EYS: variants seen among roughly 807,000 people sequenced by gnomAD.
EYS encodes the protein EGF-like photoreceptor maintenance factor.
In EYS, 250 loss-of-function variants were observed where a neutral mutation model predicts 282.1. The ratio of observed to expected loss-of-function variants is 0.89; its 90% CI spans 0.80 to 0.98. EYS has a LOEUF of 0.98. EYS is among the 50% of genes least tolerant of loss of function. EYS has a pLI of 0.00. For synonymous variants in EYS, 1,355 were observed against 1,282.9 expected, an observed-to-expected ratio of 1.06 and a Z score of -1.20; for missense variants, 4,016 against 3,709.0, an observed-to-expected ratio of 1.08 and a Z score of -2.15.
At chr6:65,528,168 A>T (rs1241366973) in intron 2 of EYS, among the ~76,000 whole-genome samples, 1 of 152,182 alleles carries the variant, frequency 6.6e-6, no homozygotes, top group African/African-American at 2.4e-5. Flanking sequence ...AGTAGAAATA[A>T]TTTATATTTC....
chr6:64,212,269 G>A (rs1267036837), intron 31 of EYS, among the ~76,000 whole-genome samples: 2 of 151,856 alleles, frequency 1.3e-5, no homozygotes, highest in African/African-American at 2.4e-5. Flanking sequence ...ATAATTTACC[G>A]ATTAGGTCAG....
At chr6:64,934,438 A>T (rs1768835122) in intron 15 of EYS, among the ~76,000 whole-genome samples, 1 of 151,966 alleles carries the variant, frequency 6.6e-6, no homozygotes, top group Non-Finnish European at 1.5e-5. Context: ...AGTAGAATAA[A>T]TTGAAAGAGA....
chr6:64,824,874 G>T (rs937965964), intron 19 of EYS, among the ~76,000 whole-genome samples: 1 of 151,726 alleles, frequency 6.6e-6, no homozygotes, highest in Non-Finnish European at 1.5e-5. Flanking sequence ...AATTAAAATT[G>T]TGGTTATAAT....
At chr6:64,320,758 G>T (rs897464138) in intron 29 of EYS, among the ~76,000 whole-genome samples, 2 of 151,470 alleles carry the variant, frequency 1.3e-5, no homozygotes, top group African/African-American at 2.4e-5. Flanking sequence ...ATTGAATTTT[G>T]GACATTGTAT....
At chr6:64,683,478 G>A (rs1179599406) in intron 22 of EYS, among the ~76,000 whole-genome samples, 1 of 152,102 alleles carries the variant, frequency 6.6e-6, no homozygotes, top group Non-Finnish European at 1.5e-5. Flanking sequence ...TATTGAATTT[G>A]CTTAATATTG....
intron 41 of EYS, among the ~76,000 whole-genome samples, chr6:63,752,986 T>G (rs1582172159): frequency 6.6e-6 from 1 of 151,804 alleles, no homozygotes; most frequent in East Asian, 1.9e-4. Context: ...GTTTGTCATG[T>G]TTTAGACTAG....
intron 29 of EYS, among the ~76,000 whole-genome samples, chr6:64,311,339 G>A (rs1769692965): frequency 6.6e-6 from 1 of 152,056 alleles, no homozygotes; most frequent in South Asian, 2.1e-4. Context: ...TTAAAGACAA[G>A]AAATAATTAT....
chr6:64,950,794 TA>T (rs1287633454), intron 14 of EYS, among the ~76,000 whole-genome samples: 1 of 74,192 alleles, frequency 1.3e-5, no homozygotes, highest in Non-Finnish European at 2.4e-5. Context: ...CACATATACA[TA>T]TACATATATA....
At chr6:64,919,626 A>T (rs1461914765) in intron 15 of EYS, among the ~76,000 whole-genome samples, 1 of 152,098 alleles carries the variant, frequency 6.6e-6, no homozygotes, top group African/African-American at 2.4e-5. Context: ...TGGAAGAATT[A>T]TAATCTATAT....
chr6:64,300,180 G>T (rs1229110372), intron 30 of EYS, among the ~76,000 whole-genome samples: 2 of 152,090 alleles, frequency 1.3e-5, no homozygotes, highest in African/African-American at 4.8e-5. Flanking sequence ...ATAAGAAAAG[G>T]CATTAGAGGC....
chr6:65,499,669 C>T (rs1212105140), intron 2 of EYS, among the ~76,000 whole-genome samples: 1 of 151,954 alleles, frequency 6.6e-6, no homozygotes, highest in Non-Finnish European at 1.5e-5. Flanking sequence ...TTACCTACCA[C>T]AGATTGGACT....
At chr6:64,838,916 C>T (rs1304615823) in intron 19 of EYS, among the ~76,000 whole-genome samples, 2 of 151,936 alleles carry the variant, frequency 1.3e-5, no homozygotes, top group African/African-American at 2.4e-5. Context: ...CTAGGAGGAG[C>T]TGCAGCTCCA....
intron 12 of EYS, among the ~76,000 whole-genome samples, chr6:65,069,056 C>CA (rs1009680125): frequency 6.6e-6 from 1 of 151,976 alleles, no homozygotes; most frequent in African/African-American, 2.4e-5. Flanking sequence ...TGTTTACACA[C>CA]ATTTTCTCCT....
At chr6:63,798,057 T>A (rs1770689770) in intron 37 of EYS, 2 of 152,178 alleles carry the variant, frequency 1.3e-5, no homozygotes, top group African/African-American at 4.8e-5. Context: ...TTCCACAAGA[T>A]GAAACCACAT....
At chr6:64,020,970 A>C (rs1468712065) in intron 33 of EYS, among the ~76,000 whole-genome samples, 1 of 152,182 alleles carries the variant, frequency 6.6e-6, no homozygotes, top group Non-Finnish European at 1.5e-5. Context: ...GATCCTCTAC[A>C]TTATATTGTG....
chr6:64,715,403 T>A (rs1398987045), intron 22 of EYS, among the ~76,000 whole-genome samples: 1 of 152,214 alleles, frequency 6.6e-6, no homozygotes, highest in Non-Finnish European at 1.5e-5. Context: ...AGTGCTTTTG[T>A]GGCAATCTCA....
At chr6:64,815,336 C>T in intron 21 of EYS, 1 of 304,304 alleles carries the variant, frequency 3.3e-6, no homozygotes, top group South Asian at 2.5e-5. Context: ...GGCATGGAAA[C>T]ATGTTTCTCC....
At chr6:63,799,827 G>A (rs182694787) in intron 37 of EYS, among the ~76,000 whole-genome samples, 1 of 152,212 alleles carries the variant, frequency 6.6e-6, no homozygotes, top group South Asian at 2.1e-4. Context: ...AGAGATCCAA[G>A]TTTGTCAGAG....
intron 26 of EYS, among the ~76,000 whole-genome samples, chr6:64,559,271 ATG>A (rs4034160): frequency 0.1 from 14,667 of 142,118 alleles, 801 homozygotes; most frequent in East Asian, 0.13. Flanking sequence ...GTGTGTGTGC[ATG>A]TGTGTGTGTG....
Sources: gnomAD v4.1 joint callset for allele counts (sites outside exome capture counted in the v4.1 genomes callset) on GRCh38, gnomAD v4.1.1 for gene constraint, MANE v1.5 for transcripts, NCBI Gene and HGNC (gene_info 2026-07-23, HGNC 2026-07-21) for gene names.